AK5: variants seen among roughly 807,000 people sequenced by gnomAD.
AK5 encodes the protein adenylate kinase 5.
In AK5, 27 loss-of-function variants were observed where a neutral mutation model predicts 69.5. The ratio of observed to expected loss-of-function variants is 0.39; its 90% CI spans 0.29 to 0.54. The LOEUF is 0.54. Among genes scored for constraint, AK5 ranks in the 20% least tolerant of loss-of-function variants. AK5 has a pLI of 0.71. For synonymous variants in AK5, 260 were observed against 244.4 expected, an observed-to-expected ratio of 1.06 and a Z score of -0.60; for missense variants, 531 against 700.4, an observed-to-expected ratio of 0.76 and a Z score of 2.73.
chr1:77,328,274 G>A (rs749598665), intron 5 of AK5, among the ~76,000 whole-genome samples: 1 of 152,162 alleles, frequency 6.6e-6, no homozygotes, highest in African/African-American at 2.4e-5. Context: ...GCTGAGGTGG[G>A]CAGATCACGA....
intron 10 of AK5, among the ~76,000 whole-genome samples, chr1:77,502,628 AG>A (rs1376161419): frequency 6.6e-6 from 1 of 152,202 alleles, no homozygotes; most frequent in Non-Finnish European, 1.5e-5. Context: ...TTAAAAAAAA[AG>A]TTTTGATTTT....
intron 8 of AK5, among the ~76,000 whole-genome samples, chr1:77,462,576 C>T (rs999125863): frequency 2.0e-5 from 3 of 152,098 alleles, no homozygotes; most frequent in Non-Finnish European, 4.4e-5. Flanking sequence ...AATGGGATCA[C>T]AGTATATCCA....
intron 6 of AK5, among the ~76,000 whole-genome samples, chr1:77,394,554 T>TTGTTCCTGCA (rs1409210534): frequency 6.6e-6 from 1 of 152,136 alleles, no homozygotes; most frequent in African/African-American, 2.4e-5. Flanking sequence ...TCTCCCTCAT[T>TTGTTCCTGCA]GGATTGTGGA....
intron 8 of AK5, among the ~76,000 whole-genome samples, chr1:77,452,912 A>T (rs1043564460): frequency 2.0e-5 from 3 of 152,234 alleles, no homozygotes; most frequent in African/African-American, 7.2e-5. Flanking sequence ...GTGGAGGCAA[A>T]TGTGTTTTTA....
At chr1:77,488,552 T>C (rs899197211) in intron 10 of AK5, among the ~76,000 whole-genome samples, 1 of 152,126 alleles carries the variant, frequency 6.6e-6, no homozygotes, top group African/African-American at 2.4e-5. Flanking sequence ...CATATATACA[T>C]ATAGGAATTT....
intron 6 of AK5, among the ~76,000 whole-genome samples, chr1:77,367,577 A>ATGTTATATATATG (rs1445266299): frequency 1.1e-4 from 1 of 8,984 alleles, no homozygotes. Context: ...ATATATATAT[A>ATGTTATATATATG]TAATATATAT....
At chr1:77,474,824 A>G (rs1177857866) in intron 8 of AK5, among the ~76,000 whole-genome samples, 1 of 152,100 alleles carries the variant, frequency 6.6e-6, no homozygotes, top group Non-Finnish European at 1.5e-5. Flanking sequence ...TTTATTTTTG[A>G]GACAGAGTCT....
At chr1:77,511,448 T>A (rs1468817713) in intron 10 of AK5, among the ~76,000 whole-genome samples, 1 of 152,180 alleles carries the variant, frequency 6.6e-6, no homozygotes, top group Non-Finnish European at 1.5e-5. Context: ...CATCAATGTT[T>A]TGAAAATGCT....
chr1:77,388,973 G>C (rs1648236170), intron 6 of AK5, among the ~76,000 whole-genome samples: 1 of 152,162 alleles, frequency 6.6e-6, no homozygotes, highest in Non-Finnish European at 1.5e-5. Context: ...TGGAAGCAGA[G>C]CTAGCTCCGA....
At chr1:77,404,458 CT>C (rs1557565255) in intron 6 of AK5, among the ~76,000 whole-genome samples, 1 of 152,064 alleles carries the variant, frequency 6.6e-6, no homozygotes, top group East Asian at 1.9e-4. Context: ...GGTTGATGAT[CT>C]AGAAGCCAGT....
At position 77,341,522 on chromosome 1, in the gene AK5, A is replaced by G. The variant is rs148934459; in HGVS notation, c.891+954A>G. ...ATGCCCATCCCAATAAAAAGCACAT[A>G]AAGACTTTTTTTCACAAATTTTAGG... On this transcript the variant is annotated intron_variant, in intron 6 of 13. Coordinates refer to ENST00000354567, the MANE Select transcript of AK5 (RefSeq NM_174858.3). Among the ~76,000 whole-genome samples, 251 of 152,310 alleles carry G rather than the reference A, an allele frequency of 1.6e-3. 1 individual carries two copies. Among genetic ancestry groups the G allele is most frequent in the Non-Finnish European group, 2.7e-3 (185 of 68,040 alleles).
At chr1:77,348,171 G>A (rs1662006611) in intron 6 of AK5, among the ~76,000 whole-genome samples, 1 of 152,146 alleles carries the variant, frequency 6.6e-6, no homozygotes. Flanking sequence ...AGTCTGAAGA[G>A]CCCCATGAAC....
chr1:77,531,382 G>C (rs942208011), intron 12 of AK5, among the ~76,000 whole-genome samples: 1 of 152,142 alleles, frequency 6.6e-6, no homozygotes, highest in African/African-American at 2.4e-5. Flanking sequence ...CCATTTTACA[G>C]AGAGCTGATT....
chr1:77,283,323 C>T, intron 1 of AK5: 1 of 985,390 alleles, frequency 1.0e-6, no homozygotes, highest in Non-Finnish European at 1.2e-6. Flanking sequence ...TAGAAGCAAG[C>T]CAGGCTTCCT....
intron 10 of AK5, among the ~76,000 whole-genome samples, chr1:77,516,605 A>G (rs1657658358): frequency 1.3e-5 from 2 of 152,092 alleles, no homozygotes; most frequent in African/African-American, 4.8e-5. Context: ...GGGCCTTTCA[A>G]GCTGAGGACC....
intron 5 of AK5, among the ~76,000 whole-genome samples, chr1:77,301,919 A>G (rs1659363183): frequency 6.6e-6 from 1 of 151,566 alleles, no homozygotes; most frequent in African/African-American, 2.4e-5. Context: ...GACACATTGA[A>G]GTAGTATATT....
rs567343357 is a variant in AK5, at chr1:77,435,634, G to A, written c.1059+17919G>A. 3.6e-3 allele frequency among the ~76,000 whole-genome samples: 525 copies of A among 145,358 alleles called. 3 individuals are homozygous for A. The highest frequency in any genetic ancestry group is 0.013 in the African/African-American group (505 of 39,110). ...GCACTCCAGCCTGGTGACAGAGCAA[G>A]ACTCTGTCTCAAAAAAAAAAAAAAA... On this transcript the variant is annotated intron_variant, in intron 8 of 13. Coordinates refer to ENST00000354567, the MANE Select transcript of AK5 (RefSeq NM_174858.3).
At chr1:77,526,445 G>A (rs1658288779) in intron 12 of AK5, among the ~76,000 whole-genome samples, 1 of 150,270 alleles carries the variant, frequency 6.7e-6, no homozygotes. Context: ...CGCATGTTTG[G>A]AAGCGATGGG....
chr1:77,513,945 G>A (rs1325504902), intron 10 of AK5, among the ~76,000 whole-genome samples: 2 of 152,270 alleles, frequency 1.3e-5, no homozygotes, highest in Middle Eastern at 3.4e-3. Context: ...ACCAGGTACC[G>A]AAGAGAAGGC....
Sources: allele counts gnomAD v4.1 joint callset (sites outside exome capture counted in the v4.1 genomes callset), GRCh38; gene constraint gnomAD v4.1.1; transcripts MANE v1.5; gene names NCBI Gene and HGNC (gene_info 2026-07-23, HGNC 2026-07-21).